Variants in KCNG3 observed in about 807,000 individuals in gnomAD.
The protein encoded by KCNG3 is potassium voltage-gated channel modifier subfamily G member 3.
A neutral mutation model predicts 29.0 loss-of-function variants in KCNG3; 15 were observed. The ratio of observed to expected loss-of-function variants is 0.52; its 90% CI spans 0.35 to 0.80. The LOEUF (loss-of-function observed/expected upper bound fraction) is 0.80. KCNG3 is among the 30% of genes least tolerant of loss of function. The pLI is 0.01. For synonymous variants in KCNG3, 322 were observed against 248.9 expected, an observed-to-expected ratio of 1.29 and a Z score of -2.76; for missense variants, 512 against 605.7, an observed-to-expected ratio of 0.85 and a Z score of 1.62.
At chr2:42,457,356 T>A in intron 1 of KCNG3, among the ~76,000 whole-genome samples, 1 of 148,188 alleles carries the variant, frequency 6.7e-6, no homozygotes, top group East Asian at 2.0e-4. Flanking sequence ...TAGCCAAGCA[T>A]GGGGGCACGC....
At chr2:42,462,663 C>G (rs1437364375) in intron 1 of KCNG3, among the ~76,000 whole-genome samples, 1 of 152,100 alleles carries the variant, frequency 6.6e-6, no homozygotes, top group Non-Finnish European at 1.5e-5. Context: ...GCCTGGGCGA[C>G]AGAGTGAGAC....
the KCNG3 span, among the ~76,000 whole-genome samples, chr2:42,404,652 CG>C: frequency 6.6e-6 from 1 of 152,024 alleles, no homozygotes; most frequent in East Asian, 1.9e-4. Flanking sequence ...TGCTTCAGCC[CG>C]GGAGGCGGAG....
the KCNG3 span, among the ~76,000 whole-genome samples, chr2:42,405,630 CAG>C: frequency 2.6e-5 from 4 of 151,454 alleles, no homozygotes; most frequent in African/African-American, 9.7e-5. Context: ...CTTTTTGAGA[CAG>C]AGTCTCACTC....
Position 42,492,963 on chromosome 2 carries a change from A to T in KCNG3, c.539T>A (p.Phe180Tyr). 1 of 1,573,230 alleles carries T rather than the reference A, an allele frequency of 6.4e-7. No individual in the cohort carries two copies. Among genetic ancestry groups the T allele is most frequent in the Non-Finnish European group, 8.6e-7 (1 of 1,163,554 alleles). ...CAGCACCACCATGGACACGATCACG[A>T]ACACCACCGACACGCTAGCCAGGAT... ...AQILASVSVVFVIVSMVVLCA... is the reference protein window; with the variant it reads ...AQILASVSVVYVIVSMVVLCA... The change falls in exon 1 of 2, where the codon TTC (phenylalanine) becomes TAC (tyrosine). Residue 180 changes from phenylalanine to tyrosine, a missense_variant. Coordinates refer to ENST00000306078, the MANE Select transcript of KCNG3 (RefSeq NM_133329.6).
Position 42,455,061 on chromosome 2 carries a change from A to T in KCNG3, c.666-10482T>A, listed in dbSNP as rs78950417. Among the ~76,000 whole-genome samples the T allele has an allele frequency of 9.8e-3, 1,495 of 152,362 alleles. 26 individuals are homozygous for T. Among genetic ancestry groups the T allele is most frequent in the African/African-American group, 0.034 (1,394 of 41,582 alleles). On this transcript the variant is annotated intron_variant, in intron 1 of 1. Coordinates refer to ENST00000306078, the MANE Select transcript of KCNG3 (RefSeq NM_133329.6). ...AATTTTATATTATGTATATTTTACT[A>T]CAATTTTAAAGAGCAAACATATGAG...
intron 1 of KCNG3, among the ~76,000 whole-genome samples, chr2:42,475,301 G>C (rs985182282): frequency 5.3e-5 from 8 of 150,190 alleles, no homozygotes; most frequent in Non-Finnish European, 1.0e-4. Flanking sequence ...TCCAGCCTGA[G>C]TGACAGAACA....
chr2:42,437,546 T>C (rs1672396071), downstream of KCNG3, among the ~76,000 whole-genome samples: 1 of 152,222 alleles, frequency 6.6e-6, no homozygotes, highest in South Asian at 2.1e-4. Context: ...GATTTTATGA[T>C]TTGCATTTTA....
chr2:42,393,830 G>C, the KCNG3 span, among the ~76,000 whole-genome samples: 6 of 151,770 alleles, frequency 4.0e-5, no homozygotes, highest in East Asian at 9.8e-4. Flanking sequence ...GCCCAGGCTG[G>C]AGTGCAATGG....
chr2:42,469,393 G>A (rs1194528695), intron 1 of KCNG3, among the ~76,000 whole-genome samples: 1 of 149,842 alleles, frequency 6.7e-6, no homozygotes, highest in Non-Finnish European at 1.5e-5. Context: ...CACGAGCCCG[G>A]GTGACAGAGC....
chr2:42,450,152 A>C (rs905290307), intron 1 of KCNG3, among the ~76,000 whole-genome samples: 1 of 152,232 alleles, frequency 6.6e-6, no homozygotes, highest in African/African-American at 2.4e-5. Flanking sequence ...CAGCAGCCAA[A>C]GTTGTTATGA....
intron 1 of KCNG3, among the ~76,000 whole-genome samples, chr2:42,452,236 TATA>T (rs1279746572): frequency 3.6e-4 from 25 of 69,106 alleles, no homozygotes; most frequent in African/African-American, 1.4e-3. Flanking sequence ...TATATATATA[TATA>T]TATATTTTTT....
In KCNG3 at chr2:42,493,282, G is replaced by A. The variant is rs756080070; in HGVS notation, c.220C>T (p.Leu74=). The A allele has an allele frequency of 1.4e-5, 23 of 1,611,984 alleles. No homozygotes were observed. The highest frequency in any genetic ancestry group is 1.6e-4 in the Middle Eastern group (1 of 6,082). Residue 74 remains leucine, a synonymous_variant, in exon 1 of 2, where the codon CTG becomes TTG. Transcript: ENST00000306078. ...TTGCCGTGGCCGCGCACGTAGAGCAGGATGAAGCCGAAGGCCTCCGAGTGC... is the reference window on the plus strand; with the variant it reads ...TTGCCGTGGCCGCGCACGTAGAGCAAGATGAAGCCGAAGGCCTCCGAGTGC... The part of the protein sequence containing the change: ...DRHSEAFGFI[L]LYVRGHGKLR...
At chr2:42,424,635 C>A in the KCNG3 span, among the ~76,000 whole-genome samples, 88 of 152,154 alleles carry the variant, frequency 5.8e-4, no homozygotes, top group African/African-American at 2.0e-3. Context: ...AAGAAGAACT[C>A]AAATGAGAAG....
intron 1 of KCNG3, among the ~76,000 whole-genome samples, chr2:42,484,517 T>G (rs765100458): frequency 2.0e-5 from 3 of 152,148 alleles, no homozygotes; most frequent in Non-Finnish European, 4.4e-5. Context: ...TGTATATATA[T>G]GTAATTGTAT....
chr2:42,476,249 A>C (rs968802757), intron 1 of KCNG3, among the ~76,000 whole-genome samples: 1 of 151,552 alleles, frequency 6.6e-6, no homozygotes, highest in African/African-American at 2.4e-5. Context: ...AGGTGGGAGG[A>C]TTGCTTGAAC....
chr2:42,437,722 A>G (rs1382847392), downstream of KCNG3, among the ~76,000 whole-genome samples: 1 of 151,972 alleles, frequency 6.6e-6, no homozygotes, highest in Non-Finnish European at 1.5e-5. Context: ...CAGACCACAT[A>G]AAGTCAGGAG....
the KCNG3 span, among the ~76,000 whole-genome samples, chr2:42,391,316 A>C: frequency 6.6e-6 from 1 of 152,092 alleles, no homozygotes; most frequent in Non-Finnish European, 1.5e-5. Flanking sequence ...TTGCCTAAAG[A>C]CCCAGGGCAA....
At chr2:42,390,541 GAGA>G in the KCNG3 span, among the ~76,000 whole-genome samples, 3 of 152,202 alleles carry the variant, frequency 2.0e-5, no homozygotes, top group Admixed American at 2.0e-4. Flanking sequence ...ACGAAGGAGT[GAGA>G]AATGATATAC....
chr2:42,439,434 T>A (rs1216597005), downstream of KCNG3, among the ~76,000 whole-genome samples: 1 of 151,852 alleles, frequency 6.6e-6, no homozygotes, highest in Admixed American at 6.6e-5. Flanking sequence ...GCTAATTTTT[T>A]GTATTTTTAG....
Sources: allele counts gnomAD v4.1 joint callset (sites outside exome capture counted in the v4.1 genomes callset), GRCh38; gene constraint gnomAD v4.1.1; transcripts MANE v1.5; gene names NCBI Gene and HGNC (gene_info 2026-07-23, HGNC 2026-07-21).